The following CSMD1 variants were observed in gnomAD, a reference collection of about 807,000 sequenced individuals.
The protein encoded by CSMD1 is CUB and sushi domain-containing protein 1.
In CSMD1, 213 loss-of-function variants were observed where a neutral mutation model predicts 417.5. That is an observed-to-expected ratio of 0.51 (90% CI 0.46 to 0.57). CSMD1 has a LOEUF of 0.57. CSMD1 is among the 20% of genes least tolerant of loss of function. The pLI is 0.00. For synonymous variants in CSMD1, 2,862 were observed against 1,736.8 expected, an observed-to-expected ratio of 1.65 and a Z score of -16.11; for missense variants, 6,923 against 4,529.7, an observed-to-expected ratio of 1.53 and a Z score of -15.17.
chr8:4,037,161 G>A (rs966037952), intron 3 of CSMD1, among the ~76,000 whole-genome samples: 3 of 152,212 alleles, frequency 2.0e-5, no homozygotes, highest in Non-Finnish European at 4.4e-5. Context: ...TCACATGTGT[G>A]TCAGTGTTCA....
intron 3 of CSMD1, among the ~76,000 whole-genome samples, chr8:4,093,455 C>G (rs925888180): frequency 6.6e-6 from 1 of 152,144 alleles, no homozygotes; most frequent in Non-Finnish European, 1.5e-5. Context: ...ATCTGAATAT[C>G]TGAATTAAGA....
chr8:4,654,695 C>T (rs1374179860), intron 1 of CSMD1, among the ~76,000 whole-genome samples: 1 of 152,040 alleles, frequency 6.6e-6, no homozygotes, highest in Non-Finnish European at 1.5e-5. Context: ...TGGTCTCACA[C>T]CTGTGGAAGA....
At chr8:4,962,265 C>T (rs1809549146) in intron 1 of CSMD1, among the ~76,000 whole-genome samples, 1 of 151,702 alleles carries the variant, frequency 6.6e-6, no homozygotes, top group Non-Finnish European at 1.5e-5. Flanking sequence ...AACTGGAGTA[C>T]AGTGTCACAG....
chr8:4,279,631 G>C (rs1174114617), intron 3 of CSMD1, among the ~76,000 whole-genome samples: 2 of 152,112 alleles, frequency 1.3e-5, no homozygotes, highest in Admixed American at 6.6e-5. Flanking sequence ...CTTAACTTTG[G>C]ATGTGGTAAC....
intron 4 of CSMD1, among the ~76,000 whole-genome samples, chr8:4,020,472 C>T (rs1242999950): frequency 2.0e-5 from 3 of 152,094 alleles, no homozygotes; most frequent in Non-Finnish European, 4.4e-5. Flanking sequence ...GTTATGTGAC[C>T]GCTAGGGTCA....
At chr8:3,225,941 A>G (rs1798475365) in intron 27 of CSMD1, among the ~76,000 whole-genome samples, 1 of 152,202 alleles carries the variant, frequency 6.6e-6, no homozygotes, top group Non-Finnish European at 1.5e-5. Context: ...GATAAAATCC[A>G]CCTATTCTTT....
chr8:4,716,230 C>A (rs1011827134), intron 1 of CSMD1, among the ~76,000 whole-genome samples: 1 of 152,190 alleles, frequency 6.6e-6, no homozygotes, highest in Non-Finnish European at 1.5e-5. Context: ...AGAAGGCTGT[C>A]TGCCAAGAAT....
chr8:3,747,161 C>G (rs1039419278), intron 6 of CSMD1, among the ~76,000 whole-genome samples: 1 of 152,218 alleles, frequency 6.6e-6, no homozygotes, highest in African/African-American at 2.4e-5. Flanking sequence ...CCTGTACTCA[C>G]ATCCTGGTTC....
intron 1 of CSMD1, among the ~76,000 whole-genome samples, chr8:4,960,578 AATAG>A (rs1585412233): frequency 6.6e-6 from 1 of 152,206 alleles, no homozygotes; most frequent in South Asian, 2.1e-4. Context: ...CTTCATACAC[AATAG>A]ATAGAATAAT....
intron 5 of CSMD1, among the ~76,000 whole-genome samples, 184 bp downstream of exon 5, chr8:3,997,719 C>G (rs544303143): frequency 6.6e-6 from 1 of 152,110 alleles, no homozygotes; most frequent in Non-Finnish European, 1.5e-5. Flanking sequence ...ACAAAGACAT[C>G]TTAGAAACTT....
At chr8:4,244,670 A>C (rs1802596826) in intron 3 of CSMD1, among the ~76,000 whole-genome samples, 1 of 152,310 alleles carries the variant, frequency 6.6e-6, no homozygotes, top group South Asian at 2.1e-4. Context: ...TGACAGATTT[A>C]AATTGTGTTA....
intron 3 of CSMD1, among the ~76,000 whole-genome samples, chr8:4,073,895 AC>A (rs1339318957): frequency 7.9e-5 from 12 of 152,120 alleles, no homozygotes; most frequent in Non-Finnish European, 1.8e-4. Flanking sequence ...CTACAGCTAT[AC>A]AAATATTTCA....
intron 1 of CSMD1, among the ~76,000 whole-genome samples, chr8:4,908,184 C>A (rs951900219): frequency 1.3e-5 from 2 of 152,062 alleles, no homozygotes; most frequent in Non-Finnish European, 2.9e-5. Context: ...TATTTTGCTC[C>A]ATTCTCTTCT....
intron 7 of CSMD1, among the ~76,000 whole-genome samples, chr8:3,648,283 T>C (rs986882828): frequency 2.0e-5 from 3 of 152,268 alleles, no homozygotes; most frequent in East Asian, 3.8e-4. Context: ...TAGAGTAATA[T>C]ATTTCAAATC....
intron 3 of CSMD1, among the ~76,000 whole-genome samples, chr8:4,118,805 CA>C (rs2130934898): frequency 6.6e-6 from 1 of 152,286 alleles, no homozygotes; most frequent in Non-Finnish European, 1.5e-5. Flanking sequence ...ATGTTTATTA[CA>C]GCACTATTCA....
In CSMD1 at chr8:4,413,017, G is replaced by A. The variant is rs1387002957; in HGVS notation, c.415+6936C>T. Among the ~76,000 whole-genome samples, 3 of 152,314 alleles carry A rather than the reference G, an allele frequency of 2.0e-5. No homozygotes were observed. The East Asian group carries it at 5.8e-4, about 29-fold the overall frequency. ...GTTATGAGATTTTTGACAACTTGAA[G>A]TCTATACAATGTTCTTTCCAGAAAA... On this transcript the variant is annotated intron_variant, in intron 3 of 69. Coordinates refer to ENST00000635120, the MANE Select transcript of CSMD1 (RefSeq NM_033225.6).
At chr8:4,484,437 T>TTTCC (rs1307793238) in intron 2 of CSMD1, among the ~76,000 whole-genome samples, 2 of 151,960 alleles carry the variant, frequency 1.3e-5, no homozygotes. Context: ...GGATGGGGGT[T>TTTCC]TTCCTTCTTT....
At chr8:4,157,848 A>G (rs540712810) in intron 3 of CSMD1, among the ~76,000 whole-genome samples, 1 of 152,256 alleles carries the variant, frequency 6.6e-6, no homozygotes, top group Non-Finnish European at 1.5e-5. Flanking sequence ...ACAGGAAAAC[A>G]GGATGCTGAA....
chr8:3,523,144 C>T (rs1445755166), intron 10 of CSMD1, among the ~76,000 whole-genome samples: 1 of 152,006 alleles, frequency 6.6e-6, no homozygotes, highest in Non-Finnish European at 1.5e-5. Context: ...GAAAATTGTC[C>T]TCCTTGGCAT....
Sources: gnomAD v4.1 joint callset for allele counts (sites outside exome capture counted in the v4.1 genomes callset) on GRCh38, gnomAD v4.1.1 for gene constraint, MANE v1.5 for transcripts, NCBI Gene and HGNC (gene_info 2026-07-23, HGNC 2026-07-21) for gene names.